The following GEMIN8 variants were observed in gnomAD, a reference collection of about 807,000 sequenced individuals.
GEMIN8 encodes the protein gem nuclear organelle associated protein 8, also known as gem-associated protein 8.
For missense variants in GEMIN8, 185 were observed against 205.9 expected (o/e 0.90, Z 0.62); for synonymous variants, 80 against 78.5 (o/e 1.02, Z -0.10).
In GEMIN8 at chrX:14,007,100, T is replaced by C. The variant is rs774665841; in HGVS notation, c.*1813A>G. ...TACTAAAGATTTGAAATTTTAGTTA[T>C]GTGTCACCTCAAGGGAAAGTTAATT... is the stretch of plus-strand genomic sequence containing the variant. On this transcript the variant is annotated 3_prime_UTR_variant, in exon 5 of 5. Transcript: ENST00000680255. Among the ~76,000 whole-genome samples, 94 of 112,595 alleles carry C rather than the reference T, an allele frequency of 8.3e-4. No homozygotes were observed. Among genetic ancestry groups the C allele is most frequent in the Non-Finnish European group, 1.6e-3 (84 of 53,357 alleles).
intron 2 of GEMIN8, among the ~76,000 whole-genome samples, chrX:14,025,373 A>T (rs1392566294): frequency 9.0e-6 from 1 of 110,738 alleles, no homozygotes; most frequent in Non-Finnish European, 1.9e-5. Flanking sequence ...ACCCTTTAAA[A>T]ATGTAAAAAC....
the GEMIN8 span, among the ~76,000 whole-genome samples, chrX:13,987,598 T>A: frequency 8.9e-6 from 1 of 111,959 alleles, no homozygotes; most frequent in Non-Finnish European, 1.9e-5. Flanking sequence ...AATAAACAGA[T>A]GTGTTCTCAC....
At chrX:14,002,329 TGATA>T (rs58599457), downstream of GEMIN8, among the ~76,000 whole-genome samples, 18,451 of 99,430 alleles carry the variant, frequency 0.19, 2,301 homozygotes, top group African/African-American at 0.41. Flanking sequence ...GATAGATAGG[TGATA>T]GATAGATAGA....
chrX:14,021,846 TATATATATACTG>T (rs1359701317), intron 2 of GEMIN8, among the ~76,000 whole-genome samples: 1 of 77,723 alleles, frequency 1.3e-5, no homozygotes, highest in Non-Finnish European at 2.3e-5. Flanking sequence ...ATATATATAG[TATATATATACTG>T]ATATATATAC....
Position 14,006,935 on chromosome X carries a change from A to G in GEMIN8, c.*1978T>C, listed in dbSNP as rs184528698. Among the ~76,000 whole-genome samples the G allele has an allele frequency of 1.2e-3, 133 of 112,006 alleles. 3 individuals carry two copies. Among genetic ancestry groups the G allele is most frequent in the Admixed American group, 3.9e-3 (41 of 10,536 alleles). On this transcript the variant is annotated 3_prime_UTR_variant, in exon 5 of 5. Coordinates refer to ENST00000680255, the MANE Select transcript of GEMIN8 (RefSeq NM_001042479.2). ...CATGGTGATTTCTTTAGGGGAGGGT[A>G]TAAGAGTCCTTTGCGAAGAGAAACA...
downstream of GEMIN8, among the ~76,000 whole-genome samples, chrX:14,006,674 T>G (rs937019341): frequency 2.7e-5 from 3 of 111,434 alleles, no homozygotes; most frequent in African/African-American, 9.8e-5. Context: ...TTTAGAAATT[T>G]TATACTCAAG....
rs1923332620 is a variant in GEMIN8 at position 14,008,893 on chromosome X, G to A, written c.*20C>T. 8.3e-7 allele frequency: 1 copy of A among 1,198,028 alleles called. No individual in the cohort carries two copies. On this transcript the variant is annotated 3_prime_UTR_variant, in exon 5 of 5. Transcript: ENST00000680255. ...TACCCAAAAGGAAGAAGGAGAGGCT[G>A]GGTACCCTGTGCCCTGAGCTCAGAA...
In GEMIN8 at chrX:14,020,328, C is replaced by A. The variant is rs140266909; in HGVS notation, c.222G>T (p.Gln74His). 19 of 1,206,302 alleles carry A rather than the reference C, an allele frequency of 1.6e-5. No homozygotes were observed. The highest frequency in any genetic ancestry group is 2.1e-5 in the Non-Finnish European group (19 of 891,702). The change falls in exon 4 of 5, where the codon CAG (glutamine) becomes CAT (histidine). Residue 74 changes from glutamine (Q) to histidine (H), a missense_variant. Transcript: ENST00000680255. Reference sequence around the variant, plus strand: ...AGGCCACATGATGGTCATAGAAGGACTGAGGATACGCAGCCTCATTATCGT... The same window carrying A: ...AGGCCACATGATGGTCATAGAAGGAATGAGGATACGCAGCCTCATTATCGT... ...SSYDNEAAYP[Q>H]SFYDHHVAWQ...
intron 2 of GEMIN8, among the ~76,000 whole-genome samples, chrX:14,024,738 C>T (rs760629814): frequency 9.0e-6 from 1 of 111,605 alleles, no homozygotes; most frequent in East Asian, 2.8e-4. Flanking sequence ...GCCCAGAGTG[C>T]CCACTATCTA....
rs1278100633 is a variant in GEMIN8, at chrX:14,008,898, C to T, written c.*15G>A. 2 of 1,201,160 alleles carry T rather than the reference C, an allele frequency of 1.7e-6. No individual in the cohort carries two copies. The highest frequency in any genetic ancestry group is 3.0e-5 in the East Asian group (1 of 33,695). Reference sequence around the variant, plus strand: ...AAAAGGAAGAAGGAGAGGCTGGGTACCCTGTGCCCTGAGCTCAGAACTTCA... The same window carrying T: ...AAAAGGAAGAAGGAGAGGCTGGGTATCCTGTGCCCTGAGCTCAGAACTTCA... On this transcript the variant is annotated 3_prime_UTR_variant, in exon 5 of 5. Coordinates refer to ENST00000680255, the MANE Select transcript of GEMIN8 (RefSeq NM_001042479.2).
At chrX:14,023,560 A>C (rs1250984097) in intron 2 of GEMIN8, among the ~76,000 whole-genome samples, 1 of 110,648 alleles carries the variant, frequency 9.0e-6, no homozygotes, top group East Asian at 2.8e-4. Context: ...TTGTATTTTT[A>C]GTAGAGATGG....
At chrX:13,989,270 T>A in the GEMIN8 span, among the ~76,000 whole-genome samples, 2 of 102,679 alleles carry the variant, frequency 1.9e-5, no homozygotes, top group Admixed American at 1.1e-4. Flanking sequence ...TAAATTTAAA[T>A]TTTTTTTTTT....
At chrX:14,028,768 C>T (rs1026838010) in intron 1 of GEMIN8, among the ~76,000 whole-genome samples, 2 of 112,437 alleles carry the variant, frequency 1.8e-5, no homozygotes, top group Admixed American at 1.9e-4. Flanking sequence ...TTCAGTTATG[C>T]TTATTCCAAG....
intron 2 of GEMIN8, among the ~76,000 whole-genome samples, chrX:14,023,382 CTTT>C (rs753935449): frequency 4.0e-5 from 4 of 100,196 alleles, no homozygotes; most frequent in Admixed American, 1.1e-4. Context: ...TTTTATATTC[CTTT>C]TTTTTTTTTT....
chrX:14,028,095 G>A (rs1454575369), intron 1 of GEMIN8, among the ~76,000 whole-genome samples: 3 of 111,948 alleles, frequency 2.7e-5, no homozygotes, highest in East Asian at 2.8e-4. Context: ...ACATATTCAC[G>A]GTAATTCCAT....
rs764613647 is a variant in GEMIN8, at chrX:14,007,639, T to C, written c.*1274A>G. On this transcript the variant is annotated 3_prime_UTR_variant, in exon 5 of 5. Transcript: ENST00000680255. ...GCCTCCTGGGTTCACGCCATTCTCC[T>C]GCCTCAGCCTCCCAAGTAGCTGGGA... 9.1e-6 allele frequency among the ~76,000 whole-genome samples: 1 copy of C among 109,864 alleles called. No individual in the cohort carries two copies. The highest frequency in any genetic ancestry group is 2.9e-4 in the East Asian group (1 of 3,494).
At chrX:13,990,585 C>A in the GEMIN8 span, among the ~76,000 whole-genome samples, 1 of 112,555 alleles carries the variant, frequency 8.9e-6, no homozygotes, top group African/African-American at 3.2e-5. Context: ...TCACTCCTGA[C>A]CCCCAGGCTG....
intron 4 of GEMIN8, 55 bp from the exon 5 acceptor site, chrX:14,009,224 G>C (rs1013288969): frequency 1.3e-5 from 15 of 1,140,850 alleles, no homozygotes; most frequent in Non-Finnish European, 1.7e-5. Flanking sequence ...GTGCACTGCA[G>C]AAGGAGCCCA....
the GEMIN8 span, among the ~76,000 whole-genome samples, chrX:14,000,971 C>T: frequency 9.0e-6 from 1 of 111,518 alleles, no homozygotes; most frequent in South Asian, 3.8e-4. Context: ...CTTTAAGGTC[C>T]TTCAGATGAC....
Sources: allele counts gnomAD v4.1 joint callset (sites outside exome capture counted in the v4.1 genomes callset), GRCh38; gene constraint gnomAD v4.1.1; transcripts MANE v1.5; gene names NCBI Gene and HGNC (gene_info 2026-07-23, HGNC 2026-07-21).